ERAP1: variants seen among roughly 807,000 people sequenced by gnomAD.
ERAP1 encodes adipocyte-derived leucine aminopeptidase.
Under a neutral mutation model 103.7 loss-of-function variants are expected in ERAP1, and 86 were observed. That is an observed-to-expected ratio of 0.83 (90% CI 0.70 to 0.99). The LOEUF is 0.99. Ranked by LOEUF, ERAP1 falls within the 50% of genes least tolerant of loss-of-function variation. ERAP1 has a pLI of 0.00. For missense variants in ERAP1, 1,009 were observed against 1,128.4 expected (o/e 0.89, Z 1.52); for synonymous variants, 398 against 402.4 (o/e 0.99, Z 0.13).
intron 1 of ERAP1, chr5:96,804,458 C>G (rs780955914): frequency 5.0e-5 from 9 of 179,138 alleles, no homozygotes; most frequent in Non-Finnish European, 9.6e-5. Flanking sequence ...GCAGCCACCA[C>G]TAGAACGAGG....
chr5:96,776,430 A>T lies in ERAP1; in HGVS notation c.2792T>A (p.Val931Glu). Residue 931 changes from valine to glutamate, a missense_variant, in exon 19 of 19, where the codon GTG (valine) becomes GAG (glutamate). Transcript: ENST00000443439. ...WMDKNFDKIR[V>E]WLQSEKLERM ...TTCAAGCTTTTCACTTTGCAGCCAC[A>T]CTCTGATTTTATCAAAATTCTTATC... 6.2e-7 allele frequency: 1 copy of T among 1,613,630 alleles called. No homozygotes were observed. Among genetic ancestry groups the T allele is most frequent in the Non-Finnish European group, 8.5e-7 (1 of 1,179,878 alleles).
the ERAP1 span, among the ~76,000 whole-genome samples, chr5:96,822,448 A>G: frequency 6.6e-6 from 1 of 152,104 alleles, no homozygotes; most frequent in Non-Finnish European, 1.5e-5. Flanking sequence ...GGTCCCAGAA[A>G]CCTAGAAAAA....
intron 19 of ERAP1, among the ~76,000 whole-genome samples, chr5:96,764,035 A>C (rs920094576): frequency 6.6e-6 from 1 of 152,186 alleles, no homozygotes; most frequent in African/African-American, 2.4e-5. Flanking sequence ...GTGTATGTGA[A>C]AACATTTTGA....
chr5:96,889,548 G>A, the ERAP1 span: 373,905 of 683,702 alleles, frequency 0.55, 102,908 homozygotes, highest in Middle Eastern at 0.64. Flanking sequence ...TATCTGCATC[G>A]AACTCTTTCC....
At chr5:96,883,908 T>C in the ERAP1 span, 1 of 1,612,238 alleles carries the variant, frequency 6.2e-7, no homozygotes, top group Admixed American at 1.7e-5. Context: ...AGCAGGCATA[T>C]TGCACTATCC....
upstream of ERAP1, among the ~76,000 whole-genome samples, chr5:96,809,944 G>A (rs1779054634): frequency 6.6e-6 from 1 of 152,174 alleles, no homozygotes; most frequent in Admixed American, 6.5e-5. Context: ...CCAGCTGGCA[G>A]AACTGAATGC....
rs1276075654 is a variant in ERAP1, at chr5:96,797,438, G to A, written c.664-129C>T. ...CCAGCACTTGGGGAGTCCGAGGTAG[G>A]CAGAATGCTTGAGCTCAGGAGTTTG... is the stretch of plus-strand genomic sequence containing the variant. On this transcript the variant is annotated intron_variant, in intron 3 of 18. Transcript: ENST00000443439. The A allele has an allele frequency of 2.2e-4, 221 of 996,682 alleles. 1 individual carries two copies. Among genetic ancestry groups the A allele is most frequent in the Non-Finnish European group, 2.9e-5 (19 of 649,762 alleles). The allele number at this position is 996,682 out of a possible 1,614,324, so 61.7% of individuals were successfully genotyped here.
chr5:96,926,204 C>T, the ERAP1 span, among the ~76,000 whole-genome samples: 8 of 152,266 alleles, frequency 5.3e-5, no homozygotes, highest in South Asian at 1.7e-3. Context: ...GCCACCATGC[C>T]CAGCCATTAC....
chr5:96,902,385 A>C, the ERAP1 span: 4 of 1,348,694 alleles, frequency 3.0e-6, no homozygotes, highest in Non-Finnish European at 3.2e-6. Flanking sequence ...CAGGTATTTC[A>C]ATGTGGAAAT....
the ERAP1 span, among the ~76,000 whole-genome samples, chr5:96,815,780 GA>G: frequency 4.7e-4 from 72 of 151,844 alleles, no homozygotes; most frequent in African/African-American, 1.7e-3. Context: ...TAAGTAAATT[GA>G]AGCAAAAAAA....
At chr5:96,809,083 G>T (rs1380729242), upstream of ERAP1, among the ~76,000 whole-genome samples, 1 of 152,196 alleles carries the variant, frequency 6.6e-6, no homozygotes, top group Non-Finnish European at 1.5e-5. Context: ...GCTTCCCGAC[G>T]TTGCAGTGGC....
At chr5:96,880,298 T>C in the ERAP1 span, 1 of 1,539,794 alleles carries the variant, frequency 6.5e-7, no homozygotes, top group East Asian at 2.3e-5. Flanking sequence ...TCTTTTGTGA[T>C]AATTTCCTTA....
chr5:96,842,326 T>C, the ERAP1 span, among the ~76,000 whole-genome samples: 1 of 152,336 alleles, frequency 6.6e-6, no homozygotes, highest in Non-Finnish European at 1.5e-5. Flanking sequence ...CTGGATCAAA[T>C]GGTTGATCTA....
At chr5:96,798,853 A>G (rs1777651817) in intron 3 of ERAP1, among the ~76,000 whole-genome samples, 1 of 147,680 alleles carries the variant, frequency 6.8e-6, no homozygotes, top group South Asian at 2.1e-4. Flanking sequence ...GCTTCTGCCT[A>G]CCTACAACAA....
At chr5:96,802,392 AT>A (rs1778108236) in intron 2 of ERAP1, among the ~76,000 whole-genome samples, 1 of 152,046 alleles carries the variant, frequency 6.6e-6, no homozygotes, top group Non-Finnish European at 1.5e-5. Flanking sequence ...TTTATATAAA[AT>A]AATATATATG....
chr5:96,847,038 A>G, the ERAP1 span, among the ~76,000 whole-genome samples: 1 of 151,230 alleles, frequency 6.6e-6, no homozygotes, highest in African/African-American at 2.4e-5. Context: ...CAAGAGTTTG[A>G]GACCAGCCTG....
At chr5:96,770,768 T>C (rs1356002588), downstream of ERAP1, among the ~76,000 whole-genome samples, 2 of 152,220 alleles carry the variant, frequency 1.3e-5, no homozygotes, top group African/African-American at 2.4e-5. Context: ...TTTGTATAAA[T>C]ACATATATTT....
upstream of ERAP1, among the ~76,000 whole-genome samples, chr5:96,809,033 G>A (rs549794560): frequency 3.3e-5 from 5 of 152,340 alleles, no homozygotes; most frequent in South Asian, 6.2e-4. Flanking sequence ...CTAAGCGGGG[G>A]AAATTATTCA....
the ERAP1 span, among the ~76,000 whole-genome samples, chr5:96,908,354 C>G: frequency 6.6e-6 from 1 of 152,296 alleles, no homozygotes; most frequent in East Asian, 1.9e-4. Flanking sequence ...GAATAATAAA[C>G]CTGTTATTTA....
Sources: allele counts gnomAD v4.1 joint callset (sites outside exome capture counted in the v4.1 genomes callset), GRCh38; gene constraint gnomAD v4.1.1; transcripts MANE v1.5; gene names NCBI Gene and HGNC (gene_info 2026-07-23, HGNC 2026-07-21).